Variants in EPB41 observed in about 807,000 individuals in gnomAD.
EPB41 encodes the protein protein 4.1.
In EPB41, 65 loss-of-function variants were observed where a neutral mutation model predicts 108.0. The ratio of observed to expected loss-of-function variants is 0.60; its 90% CI spans 0.49 to 0.74. EPB41 has a LOEUF of 0.74. Ranked by LOEUF, EPB41 falls within the 30% of genes least tolerant of loss-of-function variation. The pLI is 0.00. For synonymous variants in EPB41, 336 were observed against 358.9 expected, an observed-to-expected ratio of 0.94 and a Z score of 0.72; for missense variants, 875 against 1,037.0, an observed-to-expected ratio of 0.84 and a Z score of 2.15.
chr1:28,905,081 C>T (rs2091675076), intron 1 of EPB41, among the ~76,000 whole-genome samples: 3 of 150,642 alleles, frequency 2.0e-5, no homozygotes, highest in Admixed American at 6.6e-5. Flanking sequence ...AGCCTGTAAT[C>T]CTAGCTACTT....
intron 1 of EPB41, among the ~76,000 whole-genome samples, chr1:28,979,647 T>G (rs1313684730): frequency 1.3e-5 from 2 of 151,814 alleles, no homozygotes; most frequent in Non-Finnish European, 2.9e-5. Flanking sequence ...TACCACTAAA[T>G]CTAATATAGC....
At chr1:28,945,928 G>C (rs2094473204) in intron 1 of EPB41, among the ~76,000 whole-genome samples, 1 of 152,174 alleles carries the variant, frequency 6.6e-6, no homozygotes, top group Non-Finnish European at 1.5e-5. Context: ...TCAGACTGCT[G>C]TTATACTTGT....
chr1:28,906,227 C>A (rs203299), intron 1 of EPB41, among the ~76,000 whole-genome samples: 18,655 of 152,162 alleles, frequency 0.12, 1,576 homozygotes, highest in African/African-American at 0.25. Flanking sequence ...CCTATAGTAG[C>A]AGCTTTGGAG....
intron 1 of EPB41, among the ~76,000 whole-genome samples, chr1:28,899,408 G>T (rs947435690): frequency 1.3e-5 from 2 of 152,136 alleles, no homozygotes; most frequent in African/African-American, 4.8e-5. Context: ...TAAAGCAGGA[G>T]GCTCAGCATC....
chr1:28,944,291 G>A (rs2094413340), intron 1 of EPB41, among the ~76,000 whole-genome samples: 2 of 152,078 alleles, frequency 1.3e-5, no homozygotes, highest in African/African-American at 4.8e-5. Flanking sequence ...GAATGAATAA[G>A]ACCTACTATC....
In EPB41 at chr1:29,023,958, T is replaced by A. The variant is rs116987971; in HGVS notation, c.1124+5516T>A. Reference sequence around the variant, plus strand: ...GAAAAATAAGGGCAATAATGTGAATTTTCTAATTGTTAAATCAGAAAATTT... The same window carrying A: ...GAAAAATAAGGGCAATAATGTGAATATTCTAATTGTTAAATCAGAAAATTT... On this transcript the variant is annotated intron_variant, in intron 7 of 20. Transcript: ENST00000343067. Among the ~76,000 whole-genome samples the A allele has an allele frequency of 1.9e-3, 293 of 152,160 alleles. 9 individuals are homozygous for A. In the East Asian group the frequency reaches 0.051, roughly 27 times the overall value.
intron 1 of EPB41, among the ~76,000 whole-genome samples, chr1:28,918,494 C>A (rs140151139): frequency 6.6e-6 from 1 of 152,324 alleles, no homozygotes; most frequent in East Asian, 1.9e-4. Context: ...AGCTAAACAA[C>A]AATAATTCCA....
chr1:28,971,950 G>A (rs928353359), intron 1 of EPB41, among the ~76,000 whole-genome samples: 4 of 151,828 alleles, frequency 2.6e-5, no homozygotes, highest in African/African-American at 7.3e-5. Context: ...ACCCAGTCTG[G>A]AGTGCAGCGA....
At chr1:29,081,966 T>A (rs1192150924) in intron 16 of EPB41, among the ~76,000 whole-genome samples, 1 of 152,234 alleles carries the variant, frequency 6.6e-6, no homozygotes, top group Non-Finnish European at 1.5e-5. Context: ...TTTATGAGTT[T>A]GTTGAAAATG....
chr1:28,892,942 T>C lies in EPB41; in HGVS notation c.-8+5732T>C, dbSNP rs188566981. On this transcript the variant is annotated intron_variant, in intron 1 of 16. Transcript: ENST00000347529. ...CCTTAGCCTCCTGAGTAGCTGGGAT[T>C]ATAGGCACCCACCACCATGCCAGGC... 5.0e-3 allele frequency among the ~76,000 whole-genome samples: 754 copies of C among 151,884 alleles called. 6 individuals carry two copies. The highest frequency in any genetic ancestry group is 0.015 in the African/African-American group (623 of 41,436).
intron 8 of EPB41, chr1:29,031,792 T>C (rs2096792319): frequency 6.6e-6 from 1 of 152,222 alleles, no homozygotes; most frequent in South Asian, 2.1e-4. Context: ...CTTCAGCTAC[T>C]AAAGTTGCTG....
chr1:28,898,047 A>G (rs1222931962), intron 1 of EPB41, among the ~76,000 whole-genome samples: 1 of 152,090 alleles, frequency 6.6e-6, no homozygotes, highest in Non-Finnish European at 1.5e-5. Context: ...AGGTACAGGG[A>G]ATGGCATGTA....
chr1:29,056,921 A>G (rs1417433882), intron 12 of EPB41, among the ~76,000 whole-genome samples: 2 of 152,242 alleles, frequency 1.3e-5, no homozygotes, highest in African/African-American at 4.8e-5. Flanking sequence ...CACTTGAACA[A>G]GGAATTTAAG....
At chr1:28,937,816 A>G (rs1312210973) in intron 1 of EPB41, among the ~76,000 whole-genome samples, 1 of 152,240 alleles carries the variant, frequency 6.6e-6, no homozygotes, top group Admixed American at 6.5e-5. Context: ...TCTTCTAGGA[A>G]TTTTATGTTA....
intron 1 of EPB41, among the ~76,000 whole-genome samples, chr1:28,947,502 A>G (rs1007290058): frequency 5.9e-5 from 9 of 151,938 alleles, no homozygotes; most frequent in African/African-American, 1.9e-4. Context: ...AGATGCAACC[A>G]GGGAAGTCTA....
At chr1:28,933,633 T>G (rs2148602778) in intron 1 of EPB41, among the ~76,000 whole-genome samples, 1 of 152,338 alleles carries the variant, frequency 6.6e-6, no homozygotes. Flanking sequence ...TGATAGTATC[T>G]CCTTGCATTT....
chr1:29,089,090 A>G (rs1157457026), intron 16 of EPB41, among the ~76,000 whole-genome samples: 2 of 152,224 alleles, frequency 1.3e-5, no homozygotes, highest in Non-Finnish European at 2.9e-5. Flanking sequence ...CTGTTCATCT[A>G]TAAAATAGAA....
intron 16 of EPB41, among the ~76,000 whole-genome samples, chr1:29,085,596 C>T (rs1558272036): frequency 2.0e-5 from 3 of 152,020 alleles, no homozygotes; most frequent in Non-Finnish European, 2.9e-5. Context: ...TTGACTTTGA[C>T]TTTCTTTTCT....
intron 1 of EPB41, among the ~76,000 whole-genome samples, chr1:28,974,161 G>A (rs1462328315): frequency 6.6e-6 from 1 of 152,164 alleles, no homozygotes; most frequent in Non-Finnish European, 1.5e-5. Context: ...CCGAATGTAA[G>A]ATTTAAGATG....
Sources: allele counts gnomAD v4.1 joint callset (sites outside exome capture counted in the v4.1 genomes callset), GRCh38; gene constraint gnomAD v4.1.1; transcripts MANE v1.5; gene names NCBI Gene and HGNC (gene_info 2026-07-23, HGNC 2026-07-21).